The following WLS variants were observed in gnomAD, a reference collection of about 807,000 sequenced individuals.
WLS encodes the protein Wnt ligand secretion mediator, also known as protein wntless homolog.
Under a neutral mutation model 62.8 loss-of-function variants are expected in WLS, and 23 were observed. The ratio of observed to expected loss-of-function variants is 0.37; its 90% CI spans 0.26 to 0.52. The LOEUF (loss-of-function observed/expected upper bound fraction) is 0.52. WLS is among the 20% of genes least tolerant of loss of function. The pLI, the probability that WLS is intolerant of heterozygous loss-of-function variation, is 0.92. For missense variants in WLS, 615 were observed against 697.3 expected (o/e 0.88, Z 1.33); for synonymous variants, 246 against 244.1 (o/e 1.01, Z -0.07).
chr1:68,161,499 A>G (rs1646972435), intron 2 of WLS, among the ~76,000 whole-genome samples: 1 of 152,322 alleles, frequency 6.6e-6, no homozygotes, highest in Non-Finnish European at 1.5e-5. Flanking sequence ...TTGTGATTTG[A>G]TGCACAGATG....
rs527810407 is a variant in WLS at position 68,158,524 on chromosome 1, G to A, written c.504+599C>T. The stretch of plus-strand genomic sequence containing the variant: ...GTGTCCAATCTTTTGGCTTCTCTGG[G>A]CCAAACCGGAAGGAGGAGAATTGTC... On this transcript the variant is annotated intron_variant, in intron 3 of 11. Transcript: ENST00000262348. 3.3e-5 allele frequency among the ~76,000 whole-genome samples: 5 copies of A among 152,038 alleles called. No individual in the cohort carries two copies. In the South Asian group the frequency reaches 1.0e-3, roughly 32 times the overall value.
intron 1 of WLS, among the ~76,000 whole-genome samples, chr1:68,217,618 A>T (rs571906181): frequency 5.3e-5 from 8 of 152,186 alleles, no homozygotes; most frequent in Non-Finnish European, 1.2e-4. Flanking sequence ...GTGTGAACAC[A>T]CGCACACAAA....
chr1:68,198,809 C>G (rs1023442892), intron 1 of WLS, among the ~76,000 whole-genome samples: 2 of 152,152 alleles, frequency 1.3e-5, no homozygotes, highest in African/African-American at 4.8e-5. Flanking sequence ...AATGAATACA[C>G]CAGAATGACA....
chr1:68,161,730 A>G, intron 2 of WLS: 1 of 1,503,690 alleles, frequency 6.7e-7, no homozygotes, highest in Non-Finnish European at 9.2e-7. Context: ...ATGTATCTGA[A>G]TGATTACCTT....
intron 3 of WLS, among the ~76,000 whole-genome samples, chr1:68,156,607 G>A (rs1385112836): frequency 6.6e-6 from 1 of 152,106 alleles, no homozygotes; most frequent in African/African-American, 2.4e-5. Context: ...CCAATCAGTC[G>A]TCAACAGTTT....
intron 2 of WLS, among the ~76,000 whole-genome samples, chr1:68,173,541 G>A (rs147161824): frequency 1.3e-5 from 2 of 152,196 alleles, no homozygotes; most frequent in African/African-American, 4.8e-5. Flanking sequence ...GGAAAGGAAA[G>A]GGATGGCTAA....
chr1:68,215,986 G>A (rs917020060), intron 1 of WLS, among the ~76,000 whole-genome samples: 2 of 152,164 alleles, frequency 1.3e-5, no homozygotes, highest in Non-Finnish European at 2.9e-5. Context: ...AGGCTAAAAT[G>A]TGTTGAATAA....
At chr1:68,230,243 T>C (rs974617948) in intron 1 of WLS, among the ~76,000 whole-genome samples, 7 of 152,038 alleles carry the variant, frequency 4.6e-5, no homozygotes, top group African/African-American at 1.7e-4. Context: ...AAACTATGTG[T>C]AATGGTTTGC....
In WLS at chr1:68,194,039, G is replaced by T; in HGVS notation, c.295C>A (p.Pro99Thr). The change falls in exon 2 of 12, where the codon CCC becomes ACC. Residue 99 changes from proline (P) to threonine (T), a missense_variant. Pro to Thr is a conservative substitution (Grantham distance 38). Transcript: ENST00000262348. The stretch of plus-strand genomic sequence containing the variant: ...AACCAAGGACTCATCTCCATGTGGG[G>T]GAGGGGAATGTGAACAGAAAACACG... The part of the protein sequence containing the change: ...DIVFSVHIPL[P>T]HMEMSPWFQF... 6.2e-7 allele frequency: 1 copy of T among 1,614,174 alleles called. No homozygotes were observed. The highest frequency in any genetic ancestry group is 8.5e-7 in the Non-Finnish European group (1 of 1,180,038).
Position 68,227,419 on chromosome 1 carries a change from AAAAAAAG to A in WLS, c.106+4768_106+4774del, listed in dbSNP as rs1229675526. ...AGACTCCGTCACAAAAAAAAAAAAA[AAAAAAAG>A]AGCAATTAGAGATTGTTAGCATGAG... On this transcript the variant is annotated intron_variant, in intron 1 of 11. Transcript: ENST00000262348. Among the ~76,000 whole-genome samples, 493 of 151,970 alleles carry A rather than the reference AAAAAAAG, an allele frequency of 3.2e-3. 2 individuals are homozygous for A. Among genetic ancestry groups the A allele is most frequent in the African/African-American group, 0.011 (467 of 41,426 alleles).
chr1:68,197,619 T>G (rs1648744859), intron 1 of WLS, among the ~76,000 whole-genome samples: 1 of 152,302 alleles, frequency 6.6e-6, no homozygotes, highest in South Asian at 2.1e-4. Context: ...TACAGCTCAG[T>G]GCAATGTCCT....
At chr1:68,111,604 C>A (rs1646229380) in intron 11 of WLS, among the ~76,000 whole-genome samples, 1 of 152,156 alleles carries the variant, frequency 6.6e-6, no homozygotes, top group Admixed American at 6.5e-5. Flanking sequence ...TGCCAGTGTG[C>A]CCCTATTGAG....
chr1:68,211,072 G>A (rs527372458), intron 1 of WLS, among the ~76,000 whole-genome samples: 1 of 152,334 alleles, frequency 6.6e-6, no homozygotes, highest in African/African-American at 2.4e-5. Context: ...CTAGGGGACA[G>A]TTAGAGTAAC....
At chr1:68,142,687 A>G (rs1340163194) in intron 10 of WLS, 1 of 152,212 alleles carries the variant, frequency 6.6e-6, no homozygotes, top group East Asian at 1.9e-4. Context: ...GATGTGGTGA[A>G]CAGAACTTAC....
At chr1:68,204,183 T>G (rs1009633761) in intron 1 of WLS, among the ~76,000 whole-genome samples, 1 of 151,734 alleles carries the variant, frequency 6.6e-6, no homozygotes. Flanking sequence ...CCAAGAATAA[T>G]CATATTTCCT....
intron 11 of WLS, among the ~76,000 whole-genome samples, chr1:68,113,610 T>C (rs1283343933): frequency 1.3e-5 from 2 of 152,192 alleles, no homozygotes; most frequent in African/African-American, 4.8e-5. Flanking sequence ...GTAGGGGACG[T>C]GGCAGACACA....
chr1:68,166,503 G>A lies in WLS; in HGVS notation c.380-7256C>T, dbSNP rs1305056251. Among the ~76,000 whole-genome samples the A allele has an allele frequency of 5.9e-5, 9 of 152,288 alleles. No homozygotes were observed. The East Asian group carries it at 9.7e-4, about 16-fold the overall frequency. On this transcript the variant is annotated intron_variant, in intron 2 of 11. Transcript: ENST00000262348. ...ACAGCAGAGCTCAAGTCTGGATCAC[G>A]TAAGGGCCCCACTGCACTCTACTAC...
At chr1:68,229,173 A>G (rs1051984937) in intron 1 of WLS, among the ~76,000 whole-genome samples, 3 of 151,872 alleles carry the variant, frequency 2.0e-5, no homozygotes, top group African/African-American at 7.3e-5. Flanking sequence ...TTGCCTGGTC[A>G]CTCTGGGGTT....
At chr1:68,179,240 T>G (rs1407734775) in intron 2 of WLS, among the ~76,000 whole-genome samples, 1 of 152,208 alleles carries the variant, frequency 6.6e-6, no homozygotes, top group Non-Finnish European at 1.5e-5. Flanking sequence ...CCAATGAGAT[T>G]TTTTATAAAG....
Sources: gnomAD v4.1 joint callset for allele counts (sites outside exome capture counted in the v4.1 genomes callset) on GRCh38, gnomAD v4.1.1 for gene constraint, MANE v1.5 for transcripts, NCBI Gene and HGNC (gene_info 2026-07-23, HGNC 2026-07-21) for gene names.